Variants in TMEM59L observed in about 807,000 individuals in gnomAD.
The protein encoded by TMEM59L is transmembrane protein 59 like, also known as transmembrane protein 59-like.
A neutral mutation model predicts 39.6 loss-of-function variants in TMEM59L; 31 were observed. The observed-to-expected ratio is 0.78, with a 90% confidence interval of 0.59 to 1.06. TMEM59L has a LOEUF of 1.06. Ranked by LOEUF, TMEM59L falls within the 50% of genes least tolerant of loss-of-function variation. The pLI, the probability that TMEM59L is intolerant of heterozygous loss-of-function variation, is 0.00. For missense variants in TMEM59L, 441 were observed against 451.3 expected (o/e 0.98, Z 0.21); for synonymous variants, 219 against 202.9 (o/e 1.08, Z -0.68).
intron 7 of TMEM59L, among the ~76,000 whole-genome samples, 169 bp downstream of exon 7, chr19:18,618,661 GTGTGTGTGTGTGTA>G (rs1398166944): frequency 7.1e-5 from 8 of 112,716 alleles, no homozygotes; most frequent in South Asian, 2.7e-4. Context: ...GTGTGTGTGT[GTGTGTGTGTGTGTA>G]TATATATATA....
In TMEM59L at chr19:18,620,441, A is replaced by G; in HGVS notation, c.934A>G (p.Met312Val). 1 of 1,613,402 alleles carries G rather than the reference A, an allele frequency of 6.2e-7. No individual in the cohort carries two copies. Among genetic ancestry groups the G allele is most frequent in the Non-Finnish European group, 8.5e-7 (1 of 1,179,920 alleles). The change falls in exon 8 of 8, where the codon ATG becomes GTG. Residue 312 changes from methionine to valine, a missense_variant. By Grantham distance (21) the Met-to-Val change is conservative. Coordinates refer to ENST00000262817, the MANE Select transcript of TMEM59L (RefSeq NM_012109.3). Reference sequence around the variant, plus strand: ...CCTGGAGCAGCACAAGGGCTTCATGATGGAGCCCGATTGGCCCCTGTACCC... The same window carrying G: ...CCTGGAGCAGCACAAGGGCTTCATGGTGGAGCCCGATTGGCCCCTGTACCC... The part of the protein sequence containing the change: ...LTLEQHKGFM[M>V]EPDWPLYPPP...
chr19:18,614,870 C>G (rs1276004341), intron 3 of TMEM59L, among the ~76,000 whole-genome samples: 2 of 152,248 alleles, frequency 1.3e-5, no homozygotes, highest in African/African-American at 4.8e-5. Flanking sequence ...CTGGGACTCC[C>G]CAGAAAGCCC....
intron 4 of TMEM59L, 127 bp downstream of exon 4, chr19:18,616,254 TC>T: frequency 8.9e-7 from 1 of 1,125,638 alleles, no homozygotes; most frequent in Non-Finnish European, 1.3e-6. Context: ...CACAGCTGGA[TC>T]CAGGGGCTCA....
rs905445921 is a variant in TMEM59L, at chr19:18,616,934, G to C, written c.562-66G>C. ...GGGCGTGGGACATGGCAGTCACAGA[G>C]GGCCTGCCTGGGCCCAGGGGTGCTG... On this transcript the variant is annotated intron_variant, in intron 4 of 7. Transcript: ENST00000262817. 4 of 1,266,228 alleles carry C rather than the reference G, an allele frequency of 3.2e-6. No homozygotes were observed. The East Asian group carries it at 9.3e-5, about 29-fold the overall frequency. The allele number at this position is 1,266,228 out of a possible 1,614,324, so 78.4% of individuals were successfully genotyped here.
chr19:18,619,004 A>T (rs909129404), intron 7 of TMEM59L, among the ~76,000 whole-genome samples: 4 of 148,966 alleles, frequency 2.7e-5, no homozygotes, highest in African/African-American at 9.9e-5. Context: ...CTATATATAT[A>T]TTTTTGAGAC....
chr19:18,617,888 A>G, intron 5 of TMEM59L: 2 of 509,310 alleles, frequency 3.9e-6, no homozygotes, highest in East Asian at 7.5e-5. Flanking sequence ...TCCATCTCCT[A>G]GAGTTCTTTG....
chr19:18,615,324 G>A (rs1976416241), intron 3 of TMEM59L, among the ~76,000 whole-genome samples: 1 of 152,184 alleles, frequency 6.6e-6, no homozygotes, highest in East Asian at 1.9e-4. Context: ...AGAATAATGA[G>A]GATGATGATA....
chr19:18,614,032 C>T lies in TMEM59L; in HGVS notation c.316+16C>T. 3 of 1,613,180 alleles carry T rather than the reference C, an allele frequency of 1.9e-6. No homozygotes were observed. The South Asian group carries it at 3.3e-5, about 18-fold the overall frequency. ...TGTGAAGCAGGTGAGGGCCCGCCGG[C>T]AGGGTGGGCCAGCGTGGGGAGAGGT... On this transcript the variant is annotated intron_variant, in intron 2 of 7. Coordinates refer to ENST00000262817, the MANE Select transcript of TMEM59L (RefSeq NM_012109.3).
chr19:18,613,486 C>T (rs963462603), intron 1 of TMEM59L, among the ~76,000 whole-genome samples: 9 of 151,678 alleles, frequency 5.9e-5, no homozygotes, highest in African/African-American at 2.2e-4. Flanking sequence ...CCACTCAGAG[C>T]TACCAGCCCC....
At position 18,620,458 on chromosome 19, in the gene TMEM59L, C is replaced by T. The variant is rs763674187; in HGVS notation, c.951C>T (p.Pro317=). 23 of 1,613,582 alleles carry T rather than the reference C, an allele frequency of 1.4e-5. No individual in the cohort carries two copies. In the Admixed American group the frequency reaches 3.8e-4, roughly 27 times the overall value. Residue 317 remains proline (P), a synonymous_variant, in exon 8 of 8, where the codon CCC becomes CCT. Transcript: ENST00000262817. ...HKGFMMEPDW[P]LYPPPSHACE... ...GCTTCATGATGGAGCCCGATTGGCC[C>T]CTGTACCCGCCGCCGTCCCACGCCT...
At chr19:18,614,941 C>G (rs1429197196) in intron 3 of TMEM59L, among the ~76,000 whole-genome samples, 1 of 152,186 alleles carries the variant, frequency 6.6e-6, no homozygotes, top group African/African-American at 2.4e-5. Flanking sequence ...TTCAGAAAAG[C>G]TCACTGCACT....
chr19:18,617,608 C>G (rs1391586583), intron 5 of TMEM59L: 7 of 455,960 alleles, frequency 1.5e-5, no homozygotes, highest in Non-Finnish European at 3.1e-5. Flanking sequence ...GGGTCCATCT[C>G]CAAGGGTTCT....
chr19:18,616,171 G>A, intron 4 of TMEM59L, 44 bp downstream of exon 4: 10 of 1,609,338 alleles, frequency 6.2e-6, no homozygotes, highest in Non-Finnish European at 7.6e-6. Context: ...CAGATGGGTG[G>A]GCAGGGTAAG....
Position 18,614,137 on chromosome 19 carries a change from A to G in TMEM59L, c.350A>G (p.Gln117Arg). 6.2e-7 allele frequency: 1 copy of G among 1,610,546 alleles called. No homozygotes were observed. Among genetic ancestry groups the G allele is most frequent in the Non-Finnish European group, 8.5e-7 (1 of 1,179,258 alleles). The change falls in exon 3 of 8, where the codon CAG becomes CGG. Residue 117 changes from glutamine to arginine, a missense_variant. Transcript: ENST00000262817. ...CVEAYVKEAE[Q>R]QACSHGCWSQ... is the part of the protein sequence containing the mutation. ...GAAGCCTATGTGAAGGAGGCAGAGC[A>G]GCAGGCCTGTAGCCACGGCTGCTGG...
chr19:18,612,987 C>A lies in TMEM59L; in HGVS notation c.29C>A (p.Pro10Gln), dbSNP rs897762213. The A allele has an allele frequency of 7.3e-7, 1 of 1,360,552 alleles. No individual in the cohort carries two copies. Among genetic ancestry groups the A allele is most frequent in the Non-Finnish European group, 9.4e-7 (1 of 1,060,520 alleles). The allele number at this position is 1,360,552 out of a possible 1,614,324, so 84.3% of individuals were successfully genotyped here. Residue 10 changes from proline (P) to glutamine (Q), a missense_variant, in exon 1 of 8, where the codon CCG becomes CAG. Pro to Gln is a moderately conservative substitution (Grantham distance 76, BLOSUM62 -1). Coordinates refer to ENST00000262817, the MANE Select transcript of TMEM59L (RefSeq NM_012109.3). This position sits in a 1 kb window ranked among gnomAD's most constrained non-coding sequence, Gnocchi z 6.2. ...GCTGCGGTGGCGCTGATGCCACCGC[C>A]GCTGCTGCTGCTGCTGCTGTTGGCG... The part of the protein sequence containing the change: MAAVALMPP[P>Q]LLLLLLLASP...
At position 18,620,849 on chromosome 19, in the gene TMEM59L, T is replaced by G; in HGVS notation, c.*313T>G. On this transcript the variant is annotated 3_prime_UTR_variant, in exon 8 of 8. Coordinates refer to ENST00000262817, the MANE Select transcript of TMEM59L (RefSeq NM_012109.3). The stretch of plus-strand genomic sequence containing the variant: ...TGTGTCACCTTCCTTTTTCCTTCTA[T>G]GTCCCCTCTCTGCGGGGGGGGCGCT... 1.4e-5 allele frequency: 2 copies of G among 144,536 alleles called. No individual in the cohort carries two copies. The highest frequency in any genetic ancestry group is 1.5e-4 in the South Asian group (1 of 6,654). 9.0% of individuals were successfully genotyped at this position (144,536 alleles called of 1,614,324 possible).
chr19:18,616,092 T>G lies in TMEM59L; in HGVS notation c.526T>G (p.Leu176Val). Residue 176 changes from leucine (L) to valine (V), a missense_variant, in exon 4 of 8, where the codon TTG becomes GTG. By Grantham distance (32) the Leu-to-Val change is conservative (BLOSUM62 1). Transcript: ENST00000262817. ...TGTCTCCTCCACCTGGACATACTAC[T>G]TGCAGACTGACAATGGGAAAGTGGT... ...GFVSSTWTYY[L>V]QTDNGKVVVF... 1.2e-6 allele frequency: 2 copies of G among 1,614,136 alleles called. No individual in the cohort carries two copies. Among genetic ancestry groups the G allele is most frequent in the Non-Finnish European group, 1.7e-6 (2 of 1,179,984 alleles).
At chr19:18,613,258 T>G in intron 1 of TMEM59L, 129 bp downstream of exon 1, 99 of 748,840 alleles carry the variant, frequency 1.3e-4, no homozygotes, top group Non-Finnish European at 1.5e-4. Context: ...GAGGTGGGGG[T>G]CGGGAATGGG....
Position 18,614,139 on chromosome 19 carries a change from C to T in TMEM59L, c.352C>T (p.Gln118Ter). ...VEAYVKEAEQ[Q>*]ACSHGCWSQP... ...AGCCTATGTGAAGGAGGCAGAGCAGCAGGCCTGTAGCCACGGCTGCTGGAG... is the reference window on the plus strand; with the variant it reads ...AGCCTATGTGAAGGAGGCAGAGCAGTAGGCCTGTAGCCACGGCTGCTGGAG... The change falls in exon 3 of 8, where the codon CAG becomes TAG. Residue 118 changes from glutamine (Q) to a stop codon, truncating the protein, a stop_gained. Transcript: ENST00000262817. LOFTEE classifies it high-confidence loss of function. 1.2e-6 allele frequency: 2 copies of T among 1,609,992 alleles called. No homozygotes were observed.
Sources: allele counts gnomAD v4.1 joint callset (sites outside exome capture counted in the v4.1 genomes callset), GRCh38; gene constraint gnomAD v4.1.1; non-coding constraint Gnocchi (gnomAD v3.1); transcripts MANE v1.5; gene names NCBI Gene and HGNC (gene_info 2026-07-23, HGNC 2026-07-21).